Variants in BRD7 observed in about 807,000 individuals in gnomAD.
BRD7 encodes bromodomain-containing protein 7.
BRD7 carries 15 observed loss-of-function variants against 82.1 expected under a neutral mutation model. That is an observed-to-expected ratio of 0.18 (90% confidence interval 0.12 to 0.28). The LOEUF (loss-of-function observed/expected upper bound fraction) is 0.28, where lower values mean the gene tolerates loss of function less well. Ranked by LOEUF, BRD7 falls within the 10% of genes least tolerant of loss-of-function variation. The probability of loss-of-function intolerance (pLI) is 1.00; values close to 1 mark genes in which losing one functional copy is unlikely to be tolerated. For synonymous variants in BRD7, 232 were observed against 266.9 expected, an observed-to-expected ratio of 0.87 and a Z score of 1.27; for missense variants, 638 against 779.9, an observed-to-expected ratio of 0.82 and a Z score of 2.17.
chr16:50,348,163 G>T (rs1005628074), intron 5 of BRD7, among the ~76,000 whole-genome samples: 1 of 152,166 alleles, frequency 6.6e-6, no homozygotes, highest in East Asian at 1.9e-4. Context: ...AAGGGAGAAA[G>T]AATTCCCTAT....
chr16:50,328,593 C>G, intron 9 of BRD7, 76 bp downstream of exon 9: 1 of 1,292,862 alleles, frequency 7.7e-7, no homozygotes, highest in African/African-American at 1.5e-5. Context: ...AAGCTTGTTG[C>G]TTTAAAATGT....
chr16:50,365,937 G>T (rs1163845239), intron 2 of BRD7, among the ~76,000 whole-genome samples: 1 of 152,100 alleles, frequency 6.6e-6, no homozygotes, highest in Non-Finnish European at 1.5e-5. Context: ...TGAACTGAAG[G>T]CACAAGTATT....
intron 5 of BRD7, among the ~76,000 whole-genome samples, chr16:50,346,063 A>G (rs2038271148): frequency 6.6e-6 from 1 of 152,218 alleles, no homozygotes; most frequent in Admixed American, 6.5e-5. Context: ...AATTATAACA[A>G]ACTGTCTCTC....
At chr16:50,345,947 C>G (rs2151180637) in intron 5 of BRD7, among the ~76,000 whole-genome samples, 1 of 152,346 alleles carries the variant, frequency 6.6e-6, no homozygotes, top group South Asian at 2.1e-4. Flanking sequence ...ACTCTCCACC[C>G]TAAATCAACA....
intron 1 of BRD7, 50 bp from the exon 2 acceptor site, chr16:50,368,348 G>T: frequency 6.3e-7 from 1 of 1,580,734 alleles, no homozygotes; most frequent in Non-Finnish European, 8.6e-7. Context: ...TAAAATCGGG[G>T]CTCTCCAGGG....
intron 2 of BRD7, among the ~76,000 whole-genome samples, chr16:50,356,806 C>A (rs2038754175): frequency 6.6e-6 from 1 of 151,672 alleles, no homozygotes. Context: ...TGGTTGGTAT[C>A]AAGATGGTAG....
In BRD7 at chr16:50,368,118, T is replaced by C. The variant is rs771658114; in HGVS notation, c.230A>G (p.Glu77Gly). Residue 77 changes from glutamate (E) to glycine (G), a missense_variant, in exon 2 of 17, where the codon GAA becomes GGA. By Grantham distance (98) the Glu-to-Gly change is moderately conservative. Around this residue, in one of 3 missense-constraint regions of BRD7, gnomAD observed 172 missense variants for 155.3 expected, o/e 1.11. Coordinates refer to ENST00000394688, the MANE Select transcript of BRD7 (RefSeq NM_013263.5). ...AACTCTTCTCCGTTTTCTCCCCTTT[T>C]CTTCCCCTGGAATCTGCTTCTCTCC... ...KKGEKQIPGE[E>G]KGRKRRRVKE... is the part of the protein sequence containing the mutation. 4 of 1,613,916 alleles carry C rather than the reference T, an allele frequency of 2.5e-6. No homozygotes were observed. The highest frequency in any genetic ancestry group is 1.6e-4 in the Middle Eastern group (1 of 6,080).
At chr16:50,332,280 C>T (rs2037600040) in intron 8 of BRD7, among the ~76,000 whole-genome samples, 1 of 152,086 alleles carries the variant, frequency 6.6e-6, no homozygotes, top group Admixed American at 6.5e-5. Flanking sequence ...GACTAATACC[C>T]AGTATCTATA....
Position 50,334,640 on chromosome 16 carries a change from C to G in BRD7, c.887+71G>C. On this transcript the variant is annotated intron_variant, in intron 7 of 16. Transcript: ENST00000394688. ...CACTTGGTCTTCCCAAGTCAGGCCC[C>G]GAATAAGTATTTTTCCCCCTTACTA... 4 of 1,544,596 alleles carry G rather than the reference C, an allele frequency of 2.6e-6. No individual in the cohort carries two copies. In the South Asian group the frequency reaches 4.8e-5, roughly 19 times the overall value.
At chr16:50,320,496 A>G in intron 14 of BRD7, 105 bp from the exon 15 acceptor site, 3 of 1,512,568 alleles carry the variant, frequency 2.0e-6, no homozygotes, top group African/African-American at 1.4e-5. Flanking sequence ...TCCCTTCAAA[A>G]GAGTAATCCG....
intron 2 of BRD7, among the ~76,000 whole-genome samples, chr16:50,361,249 T>C (rs1597097905): frequency 6.6e-6 from 1 of 152,374 alleles, no homozygotes; most frequent in African/African-American, 2.4e-5. Context: ...TTTAATAAAA[T>C]AGGTACTTAC....
Position 50,320,691 on chromosome 16 carries a change from GCCAAAATTTGTTACTGCTTTC to G in BRD7, c.1563_1583del (p.Lys522_Gly528del). ...CAGAGTCAAAAACTTCAACTGGAACGCCAAAATTTGTTACTGCTTTCAGCGCTATGAGCCTGTCTTGAGTAC... is the reference window on the plus strand; with the variant it reads ...CAGAGTCAAAAACTTCAACTGGAACGAGCGCTATGAGCCTGTCTTGAGTAC... On this transcript the variant is annotated inframe_deletion, in exon 14 of 17. Coordinates refer to ENST00000394688, the MANE Select transcript of BRD7 (RefSeq NM_013263.5). 1 of 1,613,970 alleles carries G rather than the reference GCCAAAATTTGTTACTGCTTTC, an allele frequency of 6.2e-7. No individual in the cohort carries two copies. Among genetic ancestry groups the G allele is most frequent in the East Asian group, 2.2e-5 (1 of 44,886 alleles).
chr16:50,360,503 G>A (rs758149434), intron 2 of BRD7, among the ~76,000 whole-genome samples: 15 of 152,154 alleles, frequency 9.9e-5, no homozygotes, highest in Non-Finnish European at 1.5e-4. Flanking sequence ...TGCTACACAC[G>A]TTAGCCATTA....
In BRD7 at chr16:50,334,788, G is replaced by A. The variant is rs772662535; in HGVS notation, c.810C>T (p.Gly270=). The change falls in exon 7 of 17, where the codon GGC becomes GGT. Residue 270 remains glycine (G), a synonymous_variant. Transcript: ENST00000394688. ...TDTSQSGEDG[G]CWQREREDSG... is the part of the protein sequence containing the mutation. ...AGTCCTCTCTCTCTCTCTGCCAGCA[G>A]CCTCCGTCCTCCCCACTCTGTGAGG... 5 of 1,613,902 alleles carry A rather than the reference G, an allele frequency of 3.1e-6. No homozygotes were observed. Among genetic ancestry groups the A allele is most frequent in the Non-Finnish European group, 3.4e-6 (4 of 1,179,960 alleles).
At chr16:50,353,617 G>A (rs947234338) in intron 4 of BRD7, among the ~76,000 whole-genome samples, 1 of 150,966 alleles carries the variant, frequency 6.6e-6, no homozygotes, top group Non-Finnish European at 1.5e-5. Flanking sequence ...TTTTTGAGAC[G>A]GAATCTTGCT....
chr16:50,334,602 A>G, intron 7 of BRD7, 109 bp downstream of exon 7: 2 of 1,299,836 alleles, frequency 1.5e-6, no homozygotes, highest in South Asian at 1.4e-5. Context: ...CACCACCACC[A>G]CCGACACACT....
intron 11 of BRD7, 78 bp from the exon 12 acceptor site, chr16:50,323,776 A>G (rs555321686): frequency 9.9e-7 from 1 of 1,013,298 alleles, no homozygotes; most frequent in East Asian, 2.4e-5. Context: ...AACTGTTTCC[A>G]CTAGATGTCC....
chr16:50,340,979 G>A (rs571189210), intron 5 of BRD7, among the ~76,000 whole-genome samples: 1 of 152,210 alleles, frequency 6.6e-6, no homozygotes, highest in South Asian at 2.1e-4. Flanking sequence ...GTGATGACAG[G>A]TTAGAACACT....
chr16:50,336,786 C>T (rs922052338), intron 6 of BRD7, among the ~76,000 whole-genome samples: 1 of 152,108 alleles, frequency 6.6e-6, no homozygotes, highest in Non-Finnish European at 1.5e-5. Context: ...AAAATAAATT[C>T]AATTAGAGAA....
Sources: allele counts gnomAD v4.1 joint callset (sites outside exome capture counted in the v4.1 genomes callset), GRCh38; gene constraint gnomAD v4.1.1; regional missense constraint gnomAD v4.1.1; transcripts MANE v1.5; gene names NCBI Gene and HGNC (gene_info 2026-07-23, HGNC 2026-07-21).